Variants in PRMT8 observed in about 807,000 individuals in gnomAD.
PRMT8 encodes the protein protein arginine N-methyltransferase 8.
In PRMT8, 7 loss-of-function variants were observed where a neutral mutation model predicts 47.1. The ratio of observed to expected loss-of-function variants is 0.15; its 90% CI spans 0.08 to 0.28. The LOEUF (loss-of-function observed/expected upper bound fraction) is 0.28, where lower values mean the gene tolerates loss of function less well. Among genes scored for constraint, PRMT8 ranks in the 10% least tolerant of loss-of-function variants. The pLI is 1.00. For synonymous variants in PRMT8, 188 were observed against 186.5 expected (o/e 1.01, Z -0.07); for missense variants, 237 against 505.4 (o/e 0.47, Z 5.09).
chr12:3,475,110 G>A (rs966975222), intron 1 of PRMT8, among the ~76,000 whole-genome samples: 1 of 152,184 alleles, frequency 6.6e-6, no homozygotes, highest in Non-Finnish European at 1.5e-5. Flanking sequence ...CTGACTGCCT[G>A]GCCACTAAAA....
chr12:3,564,135 G>A lies in PRMT8; in HGVS notation c.482-4571G>A, dbSNP rs573508641. On this transcript the variant is annotated intron_variant, in intron 4 of 9. Coordinates refer to ENST00000382622, the MANE Select transcript of PRMT8 (RefSeq NM_019854.5). This position sits in a 1 kb window ranked among gnomAD's most constrained non-coding sequence, Gnocchi z 4.0. ...GCCAGCATGGGTGTCACCAAAATAG[G>A]TGTATGAGCAAGGACCAAGGGAGTG... 2.0e-5 allele frequency among the ~76,000 whole-genome samples: 3 copies of A among 152,300 alleles called. No individual in the cohort carries two copies. The highest frequency in any genetic ancestry group is 4.1e-4 in the South Asian group (2 of 4,822).
At chr12:3,545,348 C>T (rs760883435) in intron 2 of PRMT8, among the ~76,000 whole-genome samples, 2 of 152,210 alleles carry the variant, frequency 1.3e-5, no homozygotes, top group Non-Finnish European at 2.9e-5. Context: ...ATGCCCCATG[C>T]CTGGTTCTAG....
chr12:3,560,937 ATACAG>A (rs1207996503), intron 4 of PRMT8, among the ~76,000 whole-genome samples: 1 of 152,188 alleles, frequency 6.6e-6, no homozygotes, highest in Non-Finnish European at 1.5e-5. Flanking sequence ...AGGGCCTCAC[ATACAG>A]TAGGTGCTCA....
At chr12:3,524,307 C>T (rs915204206) in intron 1 of PRMT8, among the ~76,000 whole-genome samples, 10 of 152,094 alleles carry the variant, frequency 6.6e-5, no homozygotes, top group Non-Finnish European at 8.8e-5. Context: ...AAGGAAACAA[C>T]GCATACAGTG....
chr12:3,477,150 T>C (rs1006370217), intron 1 of PRMT8, among the ~76,000 whole-genome samples: 1 of 152,264 alleles, frequency 6.6e-6, no homozygotes, highest in Non-Finnish European at 1.5e-5. Context: ...GTAACAAGGC[T>C]ACCTAGTTCA....
chr12:3,579,190 G>T (rs1244846281), intron 7 of PRMT8, among the ~76,000 whole-genome samples: 1 of 152,162 alleles, frequency 6.6e-6, no homozygotes, highest in African/African-American at 2.4e-5. Context: ...TTGCCAAAAT[G>T]ACATGTGGCA....
In PRMT8 at chr12:3,552,902, G is replaced by A. The variant is rs778910366; in HGVS notation, c.418-749G>A. On this transcript the variant is annotated intron_variant, in intron 3 of 9. Coordinates refer to ENST00000382622, the MANE Select transcript of PRMT8 (RefSeq NM_019854.5). This position sits in a 1 kb window ranked among gnomAD's most constrained non-coding sequence, Gnocchi z 4.5. ...GAGAGCCGGCTCCGGAGGTGAGGAC[G>A]GCTCTTGGCAGCTGCCCCTCCATGT... 4.2e-5 allele frequency: 16 copies of A among 384,780 alleles called. No homozygotes were observed. The highest frequency in any genetic ancestry group is 1.5e-4 in the Admixed American group (5 of 32,722). 23.8% of individuals were successfully genotyped at this position (384,780 alleles called of 1,614,324 possible). A position where few individuals can be genotyped will look rare whatever the true frequency, so the allele number is the denominator to read the frequency against.
At chr12:3,457,310 T>A (rs1864985318) in intron 1 of PRMT8, among the ~76,000 whole-genome samples, 1 of 152,042 alleles carries the variant, frequency 6.6e-6, no homozygotes, top group Non-Finnish European at 1.5e-5. Flanking sequence ...CTAAGCATAT[T>A]TTTTTTTCTG....
At chr12:3,383,949 A>T (rs1335762465) in intron 1 of PRMT8, among the ~76,000 whole-genome samples, 1 of 152,324 alleles carries the variant, frequency 6.6e-6, no homozygotes, top group South Asian at 2.1e-4. Flanking sequence ...GAAGTTACTT[A>T]TTAGTTCTAG....
At chr12:3,542,008 G>T (rs984673385) in intron 2 of PRMT8, among the ~76,000 whole-genome samples, 1 of 140,682 alleles carries the variant, frequency 7.1e-6, no homozygotes, top group Admixed American at 7.0e-5. Flanking sequence ...TTCACCTTTT[G>T]TTCCTAACCA....
chr12:3,490,295 C>G (rs80017446), upstream of PRMT8, among the ~76,000 whole-genome samples: 3 of 152,180 alleles, frequency 2.0e-5, no homozygotes, highest in Admixed American at 6.5e-5. Flanking sequence ...CTATCTCCCA[C>G]TGCCCGACAG....
intron 1 of PRMT8, among the ~76,000 whole-genome samples, chr12:3,385,383 C>CA (rs1441672538): frequency 6.6e-6 from 1 of 152,148 alleles, no homozygotes; most frequent in East Asian, 1.9e-4. Flanking sequence ...TGAGTGGTAG[C>CA]AAGACATTCT....
At chr12:3,516,400 C>T (rs921434487) in intron 1 of PRMT8, among the ~76,000 whole-genome samples, 3 of 152,202 alleles carry the variant, frequency 2.0e-5, no homozygotes, top group Admixed American at 6.5e-5. Flanking sequence ...GTTCACTCAG[C>T]GTAAGAGACA....
intron 1 of PRMT8, among the ~76,000 whole-genome samples, chr12:3,467,705 G>T (rs1298933109): frequency 2.6e-5 from 4 of 152,208 alleles, no homozygotes; most frequent in Admixed American, 2.6e-4. Flanking sequence ...GCAGATAGAC[G>T]TAGGAGCATT....
At chr12:3,435,662 C>T (rs913437053) in intron 1 of PRMT8, among the ~76,000 whole-genome samples, 1 of 151,918 alleles carries the variant, frequency 6.6e-6, no homozygotes, top group East Asian at 1.9e-4. Flanking sequence ...GCTGGGACTA[C>T]AGGCACCTGC....
chr12:3,575,366 G>A (rs543042265), intron 6 of PRMT8, among the ~76,000 whole-genome samples: 18 of 152,326 alleles, frequency 1.2e-4, no homozygotes, highest in Non-Finnish European at 1.8e-4. Context: ...TTAGAGAAAA[G>A]CATTTCTACT....
intron 1 of PRMT8, among the ~76,000 whole-genome samples, chr12:3,441,120 C>T (rs1453900426): frequency 1.3e-5 from 2 of 152,128 alleles, no homozygotes; most frequent in Non-Finnish European, 2.9e-5. Context: ...ATAACTCCAG[C>T]ATGTAAAAAA....
At chr12:3,471,111 G>A (rs75627352) in intron 1 of PRMT8, among the ~76,000 whole-genome samples, 12,636 of 152,136 alleles carry the variant, frequency 0.083, 568 homozygotes, top group Non-Finnish European at 0.1. Context: ...AGCAGCAAGT[G>A]GTAGTGACAG....
intron 1 of PRMT8, among the ~76,000 whole-genome samples, chr12:3,419,500 G>A (rs1864516792): frequency 6.6e-6 from 1 of 152,136 alleles, no homozygotes; most frequent in African/African-American, 2.4e-5. Context: ...ACACTGCTGA[G>A]CTCCCAGCTT....
Sources: allele counts gnomAD v4.1 joint callset (sites outside exome capture counted in the v4.1 genomes callset), GRCh38; gene constraint gnomAD v4.1.1; non-coding constraint Gnocchi (gnomAD v3.1); transcripts MANE v1.5; gene names NCBI Gene and HGNC (gene_info 2026-07-23, HGNC 2026-07-21).